ZAN: variants seen among roughly 807,000 people sequenced by gnomAD.
ZAN encodes zonadhesin (gene/pseudogene).
Under a neutral mutation model 286.2 loss-of-function variants are expected in ZAN, and 260 were observed. The ratio of observed to expected loss-of-function variants is 0.91; its 90% CI spans 0.82 to 1.01. ZAN has a LOEUF of 1.01. Ranked by LOEUF, ZAN falls within the 50% of genes least tolerant of loss-of-function variation. The pLI, the probability that ZAN is intolerant of heterozygous loss-of-function variation, is 0.00. For missense variants in ZAN, 3,410 were observed against 3,639.2 expected, an observed-to-expected ratio of 0.94 and a Z score of 1.62; for synonymous variants, 1,368 against 1,417.5, an observed-to-expected ratio of 0.97 and a Z score of 0.79.
At chr7:100,766,929 G>A (rs7801875) in intron 24 of ZAN, 81 bp from the exon 25 acceptor site, 103,437 of 1,574,230 alleles carry the variant, frequency 0.066, 5,678 homozygotes, top group South Asian at 0.23. Context: ...GCCAATGTGG[G>A]CTCTCCAGGA....
intron 28 of ZAN, among the ~76,000 whole-genome samples, chr7:100,770,958 C>A (rs1441743396): frequency 6.6e-6 from 1 of 152,182 alleles, no homozygotes. Flanking sequence ...CCTGTGCCAC[C>A]ACACCCGGCT....
intron 11 of ZAN, among the ~76,000 whole-genome samples, 182 bp downstream of exon 11, chr7:100,748,652 T>C (rs1027087086): frequency 3.3e-5 from 5 of 152,128 alleles, no homozygotes; most frequent in African/African-American, 1.2e-4. Context: ...TTAAAGATTC[T>C]CAGGGCTGGG....
chr7:100,772,097 C>CAT, intron 29 of ZAN, 77 bp downstream of exon 29: 2 of 1,227,756 alleles, frequency 1.6e-6, no homozygotes, highest in Non-Finnish European at 2.1e-6. Context: ...CCTCTAAATT[C>CAT]TTTTTTTTTT....
intron 7 of ZAN, among the ~76,000 whole-genome samples, chr7:100,743,423 T>C (rs1032520608): frequency 3.9e-5 from 6 of 152,114 alleles, no homozygotes; most frequent in African/African-American, 1.4e-4. Context: ...GTTGACTTCT[T>C]CCTTTTCTCT....
At chr7:100,790,596 G>A (rs949073422) in intron 39 of ZAN, among the ~76,000 whole-genome samples, 3 of 141,706 alleles carry the variant, frequency 2.1e-5, no homozygotes, top group Non-Finnish European at 4.6e-5. Context: ...AAAAAAAAGA[G>A]TGAGGGCTAG....
intron 29 of ZAN, among the ~76,000 whole-genome samples, chr7:100,772,943 C>T (rs1296323456): frequency 6.6e-6 from 1 of 150,736 alleles, no homozygotes; most frequent in Non-Finnish European, 1.5e-5. Context: ...CTGACCTCGC[C>T]TCATTGCAAC....
chr7:100,747,434 ATT>A, intron 8 of ZAN, 114 bp from the exon 9 acceptor site: 1 of 771,206 alleles, frequency 1.3e-6, no homozygotes, highest in Non-Finnish European at 2.2e-6. Context: ...TTGTGCTTTC[ATT>A]TGGTGGTAAT....
At position 100,736,465 on chromosome 7, in the gene ZAN, G is replaced by GT; in HGVS notation, c.107-17dup. The GT allele has an allele frequency of 6.6e-7, 1 of 1,523,134 alleles. No individual in the cohort carries two copies. Among genetic ancestry groups the GT allele is most frequent in the African/African-American group, 1.4e-5 (1 of 71,558 alleles). 94.4% of individuals were successfully genotyped at this position (1,523,134 alleles called of 1,614,324 possible). On this transcript the variant is annotated splice_polypyrimidine_tract_variant and intron_variant, in intron 3 of 47. Coordinates refer to ENST00000613979, the MANE Select transcript of ZAN (RefSeq NM_003386.3). Reference sequence around the variant, plus strand: ...CCCCTGCCCTCTCTGAAACCTCACTGTGACCCATTCTTCCTAGATGTCCTC... The same window carrying GT: ...CCCCTGCCCTCTCTGAAACCTCACTGTTGACCCATTCTTCCTAGATGTCCTC...
intron 25 of ZAN, among the ~76,000 whole-genome samples, chr7:100,767,474 T>G (rs1362387668): frequency 7.2e-6 from 1 of 138,862 alleles, no homozygotes; most frequent in Non-Finnish European, 1.6e-5. Flanking sequence ...GCCGTTTTTT[T>G]TTTTTTTTTT....
Position 100,767,890 on chromosome 7 carries a change from G to A in ZAN, c.4920G>A (p.Arg1640=). The change falls in exon 26 of 48, where the codon AGG becomes AGA. Residue 1640 remains arginine, a synonymous_variant. Coordinates refer to ENST00000613979, the MANE Select transcript of ZAN (RefSeq NM_003386.3). ...VWLAQGRVTI[R]LSSNLVLLYT... ...TTGCACAAGGCCGGGTGACCATAAGGCTCAGCAGCAACCTCGTCCTCCTCT... is the reference window on the plus strand; with the variant it reads ...TTGCACAAGGCCGGGTGACCATAAGACTCAGCAGCAACCTCGTCCTCCTCT... The A allele has an allele frequency of 1.9e-6, 3 of 1,613,880 alleles. No individual in the cohort carries two copies. The highest frequency in any genetic ancestry group is 2.2e-5 in the East Asian group (1 of 44,862).
chr7:100,753,668 TA>T (rs367810068), intron 14 of ZAN, among the ~76,000 whole-genome samples: 292 of 140,722 alleles, frequency 2.1e-3, no homozygotes, highest in Admixed American at 3.1e-3. Context: ...ACTTTAAAAT[TA>T]AAAAAAAAAA....
In ZAN at chr7:100,797,350, T is replaced by A. The variant is rs1812425544; in HGVS notation, c.8267-16T>A. On this transcript the variant is annotated splice_polypyrimidine_tract_variant and intron_variant, in intron 45 of 47. Coordinates refer to ENST00000613979, the MANE Select transcript of ZAN (RefSeq NM_003386.3). ...GTCTCACGTTCGACCTAATGTCTCTTCCCCGCACCCAGAAGCATCTAACCT... is the reference window on the plus strand; with the variant it reads ...GTCTCACGTTCGACCTAATGTCTCTACCCCGCACCCAGAAGCATCTAACCT... The A allele has an allele frequency of 6.2e-7, 1 of 1,613,092 alleles. No homozygotes were observed. The highest frequency in any genetic ancestry group is 2.2e-5 in the East Asian group (1 of 44,876).
chr7:100,789,899 C>T (rs761669990), intron 39 of ZAN, among the ~76,000 whole-genome samples: 5 of 151,716 alleles, frequency 3.3e-5, no homozygotes, highest in South Asian at 2.1e-4. Context: ...GAGCTGAGAT[C>T]GTGCCACTGC....
chr7:100,771,585 C>T (rs1562942045), intron 28 of ZAN, among the ~76,000 whole-genome samples: 1 of 152,112 alleles, frequency 6.6e-6, no homozygotes, highest in Non-Finnish European at 1.5e-5. Flanking sequence ...GTGCCCTCTA[C>T]TATGCCCTGC....
intron 42 of ZAN, 60 bp from the exon 43 acceptor site, chr7:100,793,760 C>A (rs1344069691): frequency 2.0e-6 from 3 of 1,518,800 alleles, no homozygotes; most frequent in African/African-American, 2.8e-5. Flanking sequence ...TATCGGGTGA[C>A]CTTGCCCCTG....
rs1313750351 is a variant in ZAN, at chr7:100,797,793, T to C, written c.*61T>C. 8 of 1,570,060 alleles carry C rather than the reference T, an allele frequency of 5.1e-6. No individual in the cohort carries two copies. The East Asian group carries it at 1.7e-4, about 33-fold the overall frequency. On this transcript the variant is annotated 3_prime_UTR_variant, in exon 48 of 48. Transcript: ENST00000613979. ...TTAAATAAATTTATATATTTATTTATTTGAGACAGGGTCTTGCTCTGTCGC... is the reference window on the plus strand; with the variant it reads ...TTAAATAAATTTATATATTTATTTACTTGAGACAGGGTCTTGCTCTGTCGC...
In ZAN at chr7:100,767,044, C is replaced by G. The variant is rs1326578141; in HGVS notation, c.4647C>G (p.His1549Gln). 1 of 1,613,844 alleles carries G rather than the reference C, an allele frequency of 6.2e-7. No individual in the cohort carries two copies. Among genetic ancestry groups the G allele is most frequent in the African/African-American group, 1.3e-5 (1 of 74,916 alleles). The change falls in exon 25 of 48, where the codon CAC becomes CAG. Residue 1549 changes from histidine to glutamine, a missense_variant. By Grantham distance (24) the His-to-Gln change is conservative (BLOSUM62 0). Coordinates refer to ENST00000613979, the MANE Select transcript of ZAN (RefSeq NM_003386.3). ...CCTGCACAGCCTCGGGTGACCCCCA[C>G]TACCTGACCTTCGATGGCGCCTTGC... ...AATCTASGDP[H>Q]YLTFDGALHH...
At chr7:100,743,496 G>A (rs886316239) in intron 7 of ZAN, among the ~76,000 whole-genome samples, 1 of 151,914 alleles carries the variant, frequency 6.6e-6, no homozygotes, top group Non-Finnish European at 1.5e-5. Flanking sequence ...ACCCCTCACT[G>A]AGCCAAGCAC....
At chr7:100,736,762 C>G (rs1188570627) in intron 4 of ZAN, 47 bp from the exon 5 acceptor site, 3 of 1,457,140 alleles carry the variant, frequency 2.1e-6, no homozygotes. Context: ...TGGGGGCAGC[C>G]CTCAGAGGTG....
Sources: allele counts gnomAD v4.1 joint callset (sites outside exome capture counted in the v4.1 genomes callset), GRCh38; gene constraint gnomAD v4.1.1; transcripts MANE v1.5; gene names NCBI Gene and HGNC (gene_info 2026-07-23, HGNC 2026-07-21).